VAPB: variants seen among roughly 807,000 people sequenced by gnomAD.
VAPB encodes vesicle-associated membrane protein-associated protein B/C.
VAPB carries 7 observed loss-of-function variants against 25.6 expected under a neutral mutation model. The ratio of observed to expected loss-of-function variants is 0.27; its 90% CI spans 0.16 to 0.51. VAPB has a LOEUF of 0.51. Ranked by LOEUF, VAPB falls within the 20% of genes least tolerant of loss-of-function variation. The pLI, the probability that VAPB is intolerant of heterozygous loss-of-function variation, is 0.97. For missense variants in VAPB, 266 were observed against 301.3 expected, an observed-to-expected ratio of 0.88 and a Z score of 0.87; for synonymous variants, 112 against 109.2, an observed-to-expected ratio of 1.03 and a Z score of -0.16.
chr20:58,422,451 T>A (rs1178460137), intron 2 of VAPB, among the ~76,000 whole-genome samples: 1 of 152,226 alleles, frequency 6.6e-6, no homozygotes, highest in Non-Finnish European at 1.5e-5. Flanking sequence ...AAAGAACTTT[T>A]TGAATTAACG....
chr20:58,398,070 T>C (rs1215305578), intron 1 of VAPB, among the ~76,000 whole-genome samples: 1 of 152,212 alleles, frequency 6.6e-6, no homozygotes, highest in Admixed American at 6.5e-5. Context: ...TGAAAACATA[T>C]TAGATACAGC....
chr20:58,435,409 A>T (rs1989021213), intron 3 of VAPB, among the ~76,000 whole-genome samples: 1 of 152,186 alleles, frequency 6.6e-6, no homozygotes. Context: ...CCACAGCCCC[A>T]GCAGGGACAG....
rs1332363757 is a variant in VAPB, at chr20:58,444,484, A to G, written c.*249A>G. The G allele has an allele frequency of 1.6e-6, 1 of 632,044 alleles. No individual in the cohort carries two copies. Among genetic ancestry groups the G allele is most frequent in the East Asian group, 3.3e-5 (1 of 30,142 alleles). 39.2% of individuals were successfully genotyped at this position (632,044 alleles called of 1,614,324 possible). A position where few individuals can be genotyped will look rare whatever the true frequency, so the allele number is the denominator to read the frequency against. ...AAAAGAATGATCTTTATTAATGACA[A>G]GGGAAACCATGAGTAATGCCACAAT... On this transcript the variant is annotated 3_prime_UTR_variant, in exon 6 of 6. Coordinates refer to ENST00000475243, the MANE Select transcript of VAPB (RefSeq NM_004738.5).
chr20:58,396,631 G>A (rs1203131752), intron 1 of VAPB, among the ~76,000 whole-genome samples: 1 of 152,214 alleles, frequency 6.6e-6, no homozygotes, highest in Non-Finnish European at 1.5e-5. Flanking sequence ...GTGGTCATAT[G>A]TGTGAGTGGT....
At chr20:58,414,360 C>T (rs1350457646) in intron 1 of VAPB, among the ~76,000 whole-genome samples, 26 of 150,570 alleles carry the variant, frequency 1.7e-4, no homozygotes, top group Admixed American at 3.3e-4. Context: ...GGGCGGCCGC[C>T]GGGCGGAGAC....
chr20:58,391,828 A>G (rs1987806462), intron 1 of VAPB, among the ~76,000 whole-genome samples: 2 of 152,142 alleles, frequency 1.3e-5, no homozygotes, highest in Non-Finnish European at 2.9e-5. Context: ...CCCGGCCACC[A>G]CTAGTGGTTC....
chr20:58,418,469 T>C, intron 2 of VAPB, 106 bp downstream of exon 2: 1 of 1,409,040 alleles, frequency 7.1e-7, no homozygotes, highest in Non-Finnish European at 9.5e-7. Flanking sequence ...ATGATAGAAT[T>C]CTCTCCACCC....
chr20:58,438,789 A>G (rs1281583184), intron 3 of VAPB, among the ~76,000 whole-genome samples, 156 bp from the exon 4 acceptor site: 1 of 152,228 alleles, frequency 6.6e-6, no homozygotes, highest in Admixed American at 6.5e-5. Context: ...TTGTCATGTT[A>G]CAAATATTGA....
intron 1 of VAPB, among the ~76,000 whole-genome samples, chr20:58,414,317 G>T (rs1264799602): frequency 6.7e-6 from 1 of 148,258 alleles, no homozygotes; most frequent in East Asian, 2.0e-4. Flanking sequence ...TGGCCTGGCG[G>T]GGGGCTGACC....
At chr20:58,404,716 A>G (rs1024671122) in intron 1 of VAPB, among the ~76,000 whole-genome samples, 1 of 152,232 alleles carries the variant, frequency 6.6e-6, no homozygotes, top group African/African-American at 2.4e-5. Context: ...AATATGAGCT[A>G]ACGTCACATT....
chr20:58,409,913 A>ACG (rs887132566), intron 1 of VAPB, among the ~76,000 whole-genome samples: 2 of 150,738 alleles, frequency 1.3e-5, no homozygotes, highest in Non-Finnish European at 2.9e-5. Flanking sequence ...ATACACACAC[A>ACG]CACACACACA....
chr20:58,438,314 G>A (rs976409649), intron 3 of VAPB, among the ~76,000 whole-genome samples: 9 of 152,038 alleles, frequency 5.9e-5, no homozygotes, highest in African/African-American at 1.9e-4. Flanking sequence ...GTCTCTCAGT[G>A]TCCCCCAGCC....
intron 2 of VAPB, among the ~76,000 whole-genome samples, chr20:58,423,455 G>GAA (rs1988719153): frequency 6.7e-4 from 54 of 81,140 alleles, no homozygotes; most frequent in Non-Finnish European, 1.1e-3. Context: ...AAAAAGAAAA[G>GAA]AAAAATCCTC....
At chr20:58,424,194 C>G (rs1168420607) in intron 2 of VAPB, among the ~76,000 whole-genome samples, 1 of 152,084 alleles carries the variant, frequency 6.6e-6, no homozygotes, top group African/African-American at 2.4e-5. Flanking sequence ...CATTATGGGT[C>G]CTTGCATACT....
At chr20:58,424,085 A>G (rs1449582623) in intron 2 of VAPB, among the ~76,000 whole-genome samples, 2 of 152,192 alleles carry the variant, frequency 1.3e-5, no homozygotes, top group Admixed American at 6.5e-5. Context: ...CATTTTGTCT[A>G]CCTCAGTTAG....
intron 4 of VAPB, 75 bp downstream of exon 4, chr20:58,439,100 C>G (rs1989108267): frequency 1.4e-6 from 2 of 1,412,202 alleles, no homozygotes; most frequent in Non-Finnish European, 2.0e-6. Context: ...CCTGCAAAAC[C>G]AAGATTTAAG....
At chr20:58,440,529 A>ATT in intron 4 of VAPB, 1 of 250,212 alleles carries the variant, frequency 4.0e-6, no homozygotes, top group Non-Finnish European at 7.9e-6. Context: ...CCACTAAGGC[A>ATT]ATCCTAGGGA....
intron 2 of VAPB, among the ~76,000 whole-genome samples, chr20:58,419,538 A>T (rs573071779): frequency 8.5e-5 from 13 of 152,268 alleles, no homozygotes; most frequent in South Asian, 6.2e-4. Context: ...CCTGTAAGGG[A>T]TGCATTGTCA....
At chr20:58,432,064 A>G (rs1309324130) in intron 2 of VAPB, among the ~76,000 whole-genome samples, 1 of 152,112 alleles carries the variant, frequency 6.6e-6, no homozygotes, top group Non-Finnish European at 1.5e-5. Context: ...AGAAATGGAA[A>G]GGAAGGACCT....
Sources: allele counts gnomAD v4.1 joint callset (sites outside exome capture counted in the v4.1 genomes callset), GRCh38; gene constraint gnomAD v4.1.1; transcripts MANE v1.5; gene names NCBI Gene and HGNC (gene_info 2026-07-23, HGNC 2026-07-21).